DHRS2: variants seen among roughly 807,000 people sequenced by gnomAD.
DHRS2 encodes the protein dehydrogenase/reductase 2, also known as dehydrogenase/reductase SDR family member 2, mitochondrial.
Under a neutral mutation model 26.3 loss-of-function variants are expected in DHRS2, and 29 were observed. The ratio of observed to expected loss-of-function variants is 1.10; its 90% CI spans 0.82 to 1.50. The LOEUF is 1.50. Ranked by LOEUF, DHRS2 falls within the 40% of genes most tolerant of loss-of-function variation. DHRS2 has a pLI of 0.00. For synonymous variants in DHRS2, 164 were observed against 151.3 expected (o/e 1.08, Z -0.62); for missense variants, 439 against 367.1 (o/e 1.20, Z -1.60).
chr14:23,644,998 G>T (rs1890819386), intron 8 of DHRS2, 116 bp downstream of exon 8: 3 of 1,559,254 alleles, frequency 1.9e-6, no homozygotes, highest in Non-Finnish European at 2.7e-6. Flanking sequence ...GAAATCTGGA[G>T]TCCACATGGC....
chr14:23,641,116 G>A (rs1890641867), intron 4 of DHRS2: 3 of 154,146 alleles, frequency 1.9e-5, no homozygotes, highest in Non-Finnish European at 4.3e-5. Flanking sequence ...AATCATTGAT[G>A]ACTCGTCCCC....
intron 4 of DHRS2, chr14:23,641,718 TG>T (rs1165543015): frequency 1.6e-6 from 2 of 1,289,824 alleles, no homozygotes; most frequent in Non-Finnish European, 2.0e-6. Flanking sequence ...TTGCAGTCAT[TG>T]GGGGTCATCC....
At chr14:23,641,591 C>A in intron 4 of DHRS2, 1 of 1,287,286 alleles carries the variant, frequency 7.8e-7, no homozygotes, top group Non-Finnish European at 1.0e-6. Context: ...GGACAGATAT[C>A]CTGTGGGCTG....
intron 4 of DHRS2, chr14:23,641,318 A>T (rs1457839750): frequency 1.6e-5 from 3 of 182,272 alleles, no homozygotes; most frequent in Non-Finnish European, 3.5e-5. Context: ...GCAGGTTGGG[A>T]AACCTCTGAT....
intron 3 of DHRS2, 90 bp from the exon 4 acceptor site, chr14:23,639,704 C>G: frequency 1.5e-6 from 2 of 1,375,892 alleles, no homozygotes; most frequent in Non-Finnish European, 9.7e-7. Flanking sequence ...GCTCTGCAAG[C>G]TTTGCCTGAA....
intron 4 of DHRS2, chr14:23,640,285 G>A (rs549659136): frequency 4.1e-5 from 40 of 986,970 alleles, no homozygotes; most frequent in South Asian, 9.4e-5. Context: ...GGGAAGATAC[G>A]GATACTGTGT....
At chr14:23,635,070 T>G (rs1432159827), upstream of DHRS2, among the ~76,000 whole-genome samples, 1 of 143,376 alleles carries the variant, frequency 7.0e-6, no homozygotes, top group Non-Finnish European at 1.5e-5. Flanking sequence ...CAGGTAGTTC[T>G]TTTTTTTTTT....
rs1000421704 is a variant in DHRS2, at chr14:23,645,535, G to A, written c.*282G>A. On this transcript the variant is annotated 3_prime_UTR_variant, in exon 9 of 9. Coordinates refer to ENST00000250383, the MANE Select transcript of DHRS2 (RefSeq NM_005794.4). The stretch of plus-strand genomic sequence containing the variant: ...GCTGGTGCTTTGGAGGAATCTTAAG[G>A]GAAAGGAGTAGAAGCTCAGGCCTTT... 2 of 533,458 alleles carry A rather than the reference G, an allele frequency of 3.7e-6. No homozygotes were observed. Among genetic ancestry groups the A allele is most frequent in the Admixed American group, 3.3e-5 (1 of 30,420 alleles). 33.0% of individuals were successfully genotyped at this position (533,458 alleles called of 1,614,324 possible).
upstream of DHRS2, among the ~76,000 whole-genome samples, chr14:23,634,952 C>T (rs545756329): frequency 8.5e-5 from 13 of 152,318 alleles, no homozygotes; most frequent in Admixed American, 2.6e-4. Flanking sequence ...TTCATTTCAC[C>T]TTCTGCCTTA....
chr14:23,639,508 T>A, intron 3 of DHRS2, 152 bp downstream of exon 3: 1 of 1,219,694 alleles, frequency 8.2e-7, no homozygotes, highest in Non-Finnish European at 1.1e-6. Context: ...AGAAGGTCCC[T>A]CAGGAAAGTG....
upstream of DHRS2, among the ~76,000 whole-genome samples, chr14:23,631,522 T>C (rs1181665889): frequency 6.6e-5 from 10 of 152,100 alleles, no homozygotes; most frequent in Non-Finnish European, 2.9e-5. Flanking sequence ...TCATTCTTTC[T>C]CCTCTAATCT....
chr14:23,644,911 C>T, intron 8 of DHRS2, 29 bp downstream of exon 8: 1 of 1,612,538 alleles, frequency 6.2e-7, no homozygotes, highest in South Asian at 1.1e-5. Context: ...TTTGGTGGTC[C>T]ATGTGTGGCT....
intron 4 of DHRS2, chr14:23,640,408 G>C (rs1197802094): frequency 4.1e-6 from 4 of 985,318 alleles, no homozygotes; most frequent in Non-Finnish European, 4.8e-6. Context: ...CAGCATTCCG[G>C]GGGCTTAGAC....
chr14:23,645,078 G>A lies in DHRS2; in HGVS notation c.732-64G>A, dbSNP rs748391554. The A allele has an allele frequency of 4.4e-5, 70 of 1,606,876 alleles. 1 individual carries two copies. The highest frequency in any genetic ancestry group is 9.4e-5 in the African/African-American group (7 of 74,818). On this transcript the variant is annotated intron_variant, in intron 8 of 8. Transcript: ENST00000250383. ...TGGAGCCCACTCCCACCTGTCATCC[G>A]TGAGCCCCAGAGCAGCAGAATCAGA...
At chr14:23,635,296 T>C (rs920406562), upstream of DHRS2, among the ~76,000 whole-genome samples, 2 of 152,222 alleles carry the variant, frequency 1.3e-5, no homozygotes, top group Non-Finnish European at 2.9e-5. Flanking sequence ...TCAAGGGATC[T>C]GCCCACCTTG....
At chr14:23,631,558 C>G (rs1890119947), upstream of DHRS2, among the ~76,000 whole-genome samples, 1 of 151,676 alleles carries the variant, frequency 6.6e-6, no homozygotes, top group Non-Finnish European at 1.5e-5. Flanking sequence ...ACCCCCCCCA[C>G]CCCTTTCCTT....
chr14:23,631,573 C>T (rs1284443452), upstream of DHRS2, among the ~76,000 whole-genome samples: 4 of 151,652 alleles, frequency 2.6e-5, no homozygotes, highest in Non-Finnish European at 5.9e-5. Context: ...TTCCTTTTCC[C>T]TTCTCTTCTC....
upstream of DHRS2, among the ~76,000 whole-genome samples, chr14:23,632,298 G>T (rs1890144119): frequency 6.6e-6 from 1 of 152,148 alleles, no homozygotes; most frequent in Non-Finnish European, 1.5e-5. Flanking sequence ...GTTTAGAAAA[G>T]GTAGACCAAT....
chr14:23,639,143 C>G, intron 2 of DHRS2, 36 bp from the exon 3 acceptor site: 1 of 1,607,138 alleles, frequency 6.2e-7, no homozygotes, highest in Non-Finnish European at 8.5e-7. Flanking sequence ...TGGAGAGAGG[C>G]TGAGGCTGAC....
Sources: allele counts gnomAD v4.1 joint callset (sites outside exome capture counted in the v4.1 genomes callset), GRCh38; gene constraint gnomAD v4.1.1; transcripts MANE v1.5; gene names NCBI Gene and HGNC (gene_info 2026-07-23, HGNC 2026-07-21).